MSMO1: variants seen among roughly 807,000 people sequenced by gnomAD.
The protein encoded by MSMO1 is C-4 methylsterol oxidase.
MSMO1 carries 18 observed loss-of-function variants against 30.4 expected under a neutral mutation model. That is an observed-to-expected ratio of 0.59 (90% CI 0.41 to 0.88). MSMO1 has a LOEUF of 0.88. Ranked by LOEUF, MSMO1 falls within the 40% of genes least tolerant of loss-of-function variation. The pLI is 0.00. For synonymous variants in MSMO1, 84 were observed against 107.9 expected (o/e 0.78, Z 1.37); for missense variants, 284 against 340.5 (o/e 0.83, Z 1.31).
intron 1 of MSMO1, among the ~76,000 whole-genome samples, chr4:165,331,502 C>G (rs1303149934): frequency 7.0e-6 from 1 of 142,688 alleles, no homozygotes; most frequent in Non-Finnish European, 1.6e-5. Context: ...CCTGTAATGA[C>G]ACAGGATGGA....
rs1747753774 is a variant in MSMO1 at position 165,342,874 on chromosome 4, T to C, written c.*928T>C. On this transcript the variant is annotated 3_prime_UTR_variant, in exon 6 of 6. Transcript: ENST00000261507. Reference sequence around the variant, plus strand: ...CAGTACTGGCATTTCTGAATGGATGTAAGTGGAGTATTTTAGTCTAAAGGC... The same window carrying C: ...CAGTACTGGCATTTCTGAATGGATGCAAGTGGAGTATTTTAGTCTAAAGGC... 1 of 152,452 alleles carries C rather than the reference T, an allele frequency of 6.6e-6. No homozygotes were observed. The highest frequency in any genetic ancestry group is 1.5e-5 in the Non-Finnish European group (1 of 68,048). The allele number at this position is 152,452 out of a possible 1,614,324, so 9.4% of individuals were successfully genotyped here. A position where few individuals can be genotyped will look rare whatever the true frequency, so the allele number is the denominator to read the frequency against.
intron 1 of MSMO1, among the ~76,000 whole-genome samples, chr4:165,330,214 G>A (rs1167937006): frequency 6.6e-6 from 1 of 152,222 alleles, no homozygotes; most frequent in Non-Finnish European, 1.5e-5. Flanking sequence ...CTTTGGGCAA[G>A]TTGCTTAATC....
rs1454942816 is a variant in MSMO1 at position 165,340,114 on chromosome 4, C to T, written c.532-107C>T. On this transcript the variant is annotated intron_variant, in intron 4 of 5. Coordinates refer to ENST00000261507, the MANE Select transcript of MSMO1 (RefSeq NM_006745.5). The stretch of plus-strand genomic sequence containing the variant: ...AAATACCTTCACAACAACATCTAGA[C>T]TGGTATTTAATCAAACAGTTGGATA... The T allele has an allele frequency of 6.6e-6, 6 of 908,886 alleles. No individual in the cohort carries two copies. The Admixed American group carries it at 1.2e-4, about 18-fold the overall frequency. 56.3% of individuals were successfully genotyped at this position (908,886 alleles called of 1,614,324 possible).
intron 5 of MSMO1, 36 bp downstream of exon 5, chr4:165,340,411 T>C: frequency 1.3e-6 from 2 of 1,540,508 alleles, no homozygotes; most frequent in African/African-American, 2.7e-5. Flanking sequence ...TAAAGCATAA[T>C]GAAATATATT....
chr4:165,340,324 T>G lies in MSMO1; in HGVS notation c.635T>G (p.Leu212Arg). The G allele has an allele frequency of 6.2e-7, 1 of 1,614,008 alleles. No homozygotes were observed. The highest frequency in any genetic ancestry group is 8.5e-7 in the Non-Finnish European group (1 of 1,179,938). The part of the protein sequence containing the change: ...GIVLLCDHVI[L>R]LWAWVTIRLL... ...GTGCTTTTGTGTGATCATGTAATTC[T>G]TCTTTGGGCATGGGTGACCATTCGT... Residue 212 changes from leucine (L) to arginine (R), a missense_variant, in exon 5 of 6, where the codon CTT (leucine) becomes CGT (arginine). Coordinates refer to ENST00000261507, the MANE Select transcript of MSMO1 (RefSeq NM_006745.5).
Position 165,332,350 on chromosome 4 carries a change from G to A in MSMO1, c.-31-990G>A, listed in dbSNP as rs567836427. Among the ~76,000 whole-genome samples the A allele has an allele frequency of 5.7e-4, 87 of 152,314 alleles. 1 individual carries two copies. Among genetic ancestry groups the A allele is most frequent in the Non-Finnish European group, 1.9e-4 (13 of 68,030 alleles). ...ATCTTCCCTGTTCTTTTAAATGGCT[G>A]TATAATTGTCTATGGAAGGACTTAA... On this transcript the variant is annotated intron_variant, in intron 1 of 5. Coordinates refer to ENST00000261507, the MANE Select transcript of MSMO1 (RefSeq NM_006745.5).
intron 1 of MSMO1, among the ~76,000 whole-genome samples, chr4:165,329,096 A>T (rs758755626): frequency 6.6e-6 from 1 of 152,302 alleles, no homozygotes; most frequent in East Asian, 1.9e-4. Flanking sequence ...AAAACAGAAA[A>T]TAGTTAAGAT....
chr4:165,334,378 T>C (rs1353953675), intron 2 of MSMO1, among the ~76,000 whole-genome samples: 4 of 152,218 alleles, frequency 2.6e-5, no homozygotes, highest in Non-Finnish European at 5.9e-5. Context: ...TGAATTTTAA[T>C]GTTTAAGCTA....
intron 5 of MSMO1, 83 bp downstream of exon 5, chr4:165,340,458 A>C: frequency 8.5e-7 from 1 of 1,175,620 alleles, no homozygotes; most frequent in South Asian, 1.3e-5. Flanking sequence ...ATTTCTAAGG[A>C]GACTAATAGG....
chr4:165,338,597 T>A, intron 3 of MSMO1, 55 bp from the exon 4 acceptor site: 3 of 1,496,322 alleles, frequency 2.0e-6, no homozygotes, highest in Non-Finnish European at 2.8e-6. Flanking sequence ...ACTAAAAGTC[T>A]GGATAGTTTA....
chr4:165,337,543 C>G (rs927458210), intron 2 of MSMO1, among the ~76,000 whole-genome samples: 3 of 152,200 alleles, frequency 2.0e-5, no homozygotes, highest in Non-Finnish European at 2.9e-5. Flanking sequence ...GAGAATTATT[C>G]ATTCCATAGT....
At chr4:165,328,555 A>G (rs982484508) in intron 1 of MSMO1, among the ~76,000 whole-genome samples, 1 of 152,234 alleles carries the variant, frequency 6.6e-6, no homozygotes, top group Non-Finnish European at 1.5e-5. Context: ...AATCCGTGTT[A>G]AAGTGCCAAA....
chr4:165,334,668 C>T (rs189741310), intron 2 of MSMO1, among the ~76,000 whole-genome samples: 124 of 152,276 alleles, frequency 8.1e-4, no homozygotes, highest in Non-Finnish European at 2.9e-4. Context: ...GTGAGCTTGA[C>T]GTGAGAATTT....
rs746895207 is a variant in MSMO1, at chr4:165,341,944, TA to T, written c.*1del. The T allele has an allele frequency of 5.6e-6, 9 of 1,605,122 alleles. No individual in the cohort carries two copies. The highest frequency in any genetic ancestry group is 5.1e-6 in the Non-Finnish European group (6 of 1,173,100). On this transcript the variant is annotated frameshift_variant and stop_lost, in exon 6 of 6. Transcript: ENST00000261507. LOFTEE classifies it high-confidence loss of function. ...KRKKFEKKTE* is the reference protein window; with the variant it reads ...KRKKFEKKTEX ...GAAGAAGTTTGAGAAAAAGACTGAA[TA>T]AATATCTCACGTAAACCTTCCTGAA...
At chr4:165,335,757 G>A (rs1422707640) in intron 2 of MSMO1, among the ~76,000 whole-genome samples, 1 of 152,174 alleles carries the variant, frequency 6.6e-6, no homozygotes, top group Non-Finnish European at 1.5e-5. Context: ...GTTGGTCAGA[G>A]CTAGTTGTTT....
Position 165,337,930 on chromosome 4 carries a change from C to T in MSMO1, c.397C>T (p.Pro133Ser), listed in dbSNP as rs771558636. ...TATTCCTTATGATTGGGAAAGAATG[C>T]CAAGATGGTACGTAGATAAAAATTT... ...FNIPYDWERM[P>S]RWYFLLARCF... is the part of the protein sequence containing the mutation. Residue 133 changes from proline to serine, a missense_variant, in exon 3 of 6, where the codon CCA (proline) becomes TCA (serine). By Grantham distance (74) the Pro-to-Ser change is moderately conservative (BLOSUM62 -1). Coordinates refer to ENST00000261507, the MANE Select transcript of MSMO1 (RefSeq NM_006745.5). 5.6e-6 allele frequency: 9 copies of T among 1,612,994 alleles called. No individual in the cohort carries two copies. Among genetic ancestry groups the T allele is most frequent in the Non-Finnish European group, 6.8e-6 (8 of 1,179,538 alleles).
chr4:165,342,070 T>G lies in MSMO1; in HGVS notation c.*124T>G. 1.2e-6 allele frequency: 1 copy of G among 813,938 alleles called. No homozygotes were observed. The highest frequency in any genetic ancestry group is 2.5e-5 in the Admixed American group (1 of 40,630). 50.4% of individuals were successfully genotyped at this position (813,938 alleles called of 1,614,324 possible). ...GGCTACTAAGTGATAAAAAGAACAT[T>G]AACAACCTTTAATTACCTTCCTAGT... On this transcript the variant is annotated 3_prime_UTR_variant, in exon 6 of 6. Coordinates refer to ENST00000261507, the MANE Select transcript of MSMO1 (RefSeq NM_006745.5).
intron 3 of MSMO1, 82 bp downstream of exon 3, chr4:165,338,019 AT>A: frequency 7.8e-7 from 1 of 1,286,422 alleles, no homozygotes; most frequent in Non-Finnish European, 1.1e-6. Flanking sequence ...CGTTTTCTTA[AT>A]TTTAGTTAAT....
intron 2 of MSMO1, among the ~76,000 whole-genome samples, chr4:165,334,927 A>G (rs1042526858): frequency 6.6e-6 from 1 of 152,172 alleles, no homozygotes; most frequent in Non-Finnish European, 1.5e-5. Context: ...GATCAGAAAT[A>G]TTCAGGGGAA....
Sources: allele counts gnomAD v4.1 joint callset (sites outside exome capture counted in the v4.1 genomes callset), GRCh38; gene constraint gnomAD v4.1.1; transcripts MANE v1.5; gene names NCBI Gene and HGNC (gene_info 2026-07-23, HGNC 2026-07-21).